The following NRG3 variants were observed in gnomAD, a reference collection of about 807,000 sequenced individuals.
NRG3 encodes the protein neuregulin 3, also known as pro-neuregulin-3, membrane-bound isoform.
Under a neutral mutation model 66.9 loss-of-function variants are expected in NRG3, and 31 were observed. The observed-to-expected ratio is 0.46, with a 90% CI of 0.35 to 0.63. The LOEUF (loss-of-function observed/expected upper bound fraction) is 0.63. Among genes scored for constraint, NRG3 ranks in the 20% least tolerant of loss-of-function variants. The probability of loss-of-function intolerance (pLI) is 0.00; values close to 1 mark genes in which losing one functional copy is unlikely to be tolerated. For missense variants in NRG3, 910 were observed against 878.9 expected (o/e 1.04, Z -0.45); for synonymous variants, 393 against 359.4 (o/e 1.09, Z -1.06).
chr10:82,742,674 T>C (rs1484287690), intron 3 of NRG3, among the ~76,000 whole-genome samples: 3 of 152,082 alleles, frequency 2.0e-5, no homozygotes, highest in African/African-American at 7.2e-5. Context: ...CATCAGCTAC[T>C]GTGGCATTCT....
At chr10:82,913,981 C>T (rs1160605416) in intron 4 of NRG3, among the ~76,000 whole-genome samples, 1 of 152,120 alleles carries the variant, frequency 6.6e-6, no homozygotes, top group Non-Finnish European at 1.5e-5. Context: ...TTCTGTTCCA[C>T]TGTGTGTTTA....
intron 1 of NRG3, among the ~76,000 whole-genome samples, chr10:82,169,734 A>G (rs1590392256): frequency 6.6e-6 from 1 of 151,338 alleles, no homozygotes; most frequent in East Asian, 1.9e-4. Context: ...CTTAATATTC[A>G]TTTATTTTTA....
chr10:82,087,146 T>G (rs2065772428), intron 1 of NRG3, among the ~76,000 whole-genome samples: 1 of 152,168 alleles, frequency 6.6e-6, no homozygotes, highest in African/African-American at 2.4e-5. Context: ...AGACTTAATC[T>G]TTAAGGCAGA....
intron 1 of NRG3, among the ~76,000 whole-genome samples, chr10:81,943,786 G>A (rs188951801): frequency 1.3e-5 from 2 of 152,268 alleles, no homozygotes; most frequent in Admixed American, 6.5e-5. Context: ...CATTACAATC[G>A]TGGTGCTTTA....
chr10:82,845,906 C>G (rs925292805), intron 3 of NRG3, among the ~76,000 whole-genome samples: 6 of 152,108 alleles, frequency 3.9e-5, no homozygotes, highest in Non-Finnish European at 8.8e-5. Context: ...AGACCTCAAA[C>G]TTAAAGTGCA....
intron 1 of NRG3, among the ~76,000 whole-genome samples, chr10:82,287,025 T>C (rs1221463136): frequency 2.0e-5 from 3 of 152,164 alleles, no homozygotes; most frequent in African/African-American, 7.2e-5. Context: ...AGTACTGTTA[T>C]AGCAACAGAA....
intron 1 of NRG3, among the ~76,000 whole-genome samples, chr10:82,137,431 A>G (rs1385346406): frequency 2.6e-5 from 4 of 152,206 alleles, no homozygotes; most frequent in Non-Finnish European, 4.4e-5. Context: ...ATAAATGGAA[A>G]CACAGCTCCA....
At position 82,509,940 on chromosome 10, in the gene NRG3, G is replaced by A. The variant is rs1029305199; in HGVS notation, c.953+151072G>A. Among the ~76,000 whole-genome samples the A allele has an allele frequency of 5.3e-5, 8 of 151,876 alleles. No homozygotes were observed. The South Asian group carries it at 6.2e-4, about 12-fold the overall frequency. On this transcript the variant is annotated intron_variant, in intron 2 of 8. Coordinates refer to ENST00000372141, the MANE Select transcript of NRG3 (RefSeq NM_001010848.4). ...AGAAGAAAATGGGCCCCATTTTTCCGGGGCCTTTCTACTCCTGTTTTCTCG... is the reference window on the plus strand; with the variant it reads ...AGAAGAAAATGGGCCCCATTTTTCCAGGGCCTTTCTACTCCTGTTTTCTCG...
Position 82,972,403 on chromosome 10 carries a change from C to G in NRG3, c.1285-1385C>G, listed in dbSNP as rs1851854174. Among the ~76,000 whole-genome samples the G allele has an allele frequency of 2.0e-5, 3 of 152,064 alleles. 1 individual carries two copies. The South Asian group carries it at 6.2e-4, about 32-fold the overall frequency. ...TCCAGCCATGTTGAAATTCTTTGGA[C>G]TTTACTTTCAAGCATTAATTTTAAA... On this transcript the variant is annotated intron_variant, in intron 6 of 8. Coordinates refer to ENST00000372141, the MANE Select transcript of NRG3 (RefSeq NM_001010848.4).
At chr10:82,875,898 A>G (rs1369703311) in intron 4 of NRG3, among the ~76,000 whole-genome samples, 3 of 152,234 alleles carry the variant, frequency 2.0e-5, no homozygotes, top group Non-Finnish European at 4.4e-5. Context: ...TGTTTACACA[A>G]AGTCATGACA....
intron 2 of NRG3, among the ~76,000 whole-genome samples, chr10:82,684,707 G>A (rs1025970768): frequency 6.6e-6 from 1 of 151,992 alleles, no homozygotes; most frequent in East Asian, 1.9e-4. Context: ...CAGTGGTCTC[G>A]ATAAAAGTTC....
intron 1 of NRG3, among the ~76,000 whole-genome samples, chr10:82,022,670 T>G (rs1341360811): frequency 6.6e-6 from 1 of 152,062 alleles, no homozygotes; most frequent in Non-Finnish European, 1.5e-5. Context: ...TAAAATCAAC[T>G]ATGCCTTAGA....
chr10:81,885,035 C>G (rs1321381065), intron 1 of NRG3, among the ~76,000 whole-genome samples: 3 of 152,194 alleles, frequency 2.0e-5, no homozygotes, highest in Admixed American at 2.0e-4. Context: ...ACTTATTCCT[C>G]TTGCATAACT....
At chr10:81,969,554 CAAAA>C (rs947012862) in intron 1 of NRG3, among the ~76,000 whole-genome samples, 2 of 152,104 alleles carry the variant, frequency 1.3e-5, no homozygotes, top group African/African-American at 2.4e-5. Context: ...AAATGATACA[CAAAA>C]AAATCCAGCG....
At chr10:82,708,952 G>A (rs538020091) in intron 2 of NRG3, among the ~76,000 whole-genome samples, 16 of 151,904 alleles carry the variant, frequency 1.1e-4, no homozygotes, top group East Asian at 1.9e-4. Flanking sequence ...ATTGCCTCTC[G>A]TAACCCCTGA....
At chr10:81,904,515 G>A (rs1179109139) in intron 1 of NRG3, among the ~76,000 whole-genome samples, 3 of 151,930 alleles carry the variant, frequency 2.0e-5, no homozygotes, top group Non-Finnish European at 4.4e-5. Context: ...TCCAGATGGC[G>A]CTAATCATTG....
chr10:82,878,897 A>T (rs1043572882), intron 4 of NRG3, among the ~76,000 whole-genome samples: 2 of 151,706 alleles, frequency 1.3e-5, no homozygotes, highest in Non-Finnish European at 2.9e-5. Flanking sequence ...CACCCTGACC[A>T]CTCCTACCAC....
intron 3 of NRG3, among the ~76,000 whole-genome samples, chr10:82,740,148 C>CTCTTTCCCTTCCTCCG (rs2058352112): frequency 6.6e-6 from 1 of 150,392 alleles, no homozygotes; most frequent in African/African-American, 2.5e-5. Context: ...CCCTTCCTCC[C>CTCTTTCCCTTCCTCCG]TCTTTCCCTT....
intron 1 of NRG3, among the ~76,000 whole-genome samples, chr10:82,261,312 G>A (rs1315518519): frequency 2.0e-5 from 3 of 152,108 alleles, no homozygotes; most frequent in Non-Finnish European, 4.4e-5. Flanking sequence ...TATGAAGAAG[G>A]TCAGTGCCTG....
Sources: allele counts gnomAD v4.1 joint callset (sites outside exome capture counted in the v4.1 genomes callset), GRCh38; gene constraint gnomAD v4.1.1; transcripts MANE v1.5; gene names NCBI Gene and HGNC (gene_info 2026-07-23, HGNC 2026-07-21).